The following CWC27 variants were observed in gnomAD, a reference collection of about 807,000 sequenced individuals.
CWC27 encodes the protein spliceosome-associated protein CWC27 homolog.
CWC27 carries 47 observed loss-of-function variants against 63.6 expected under a neutral mutation model. The observed-to-expected ratio is 0.74, with a 90% CI of 0.58 to 0.94. The LOEUF (loss-of-function observed/expected upper bound fraction) is 0.94, where lower values mean the gene tolerates loss of function less well. Among genes scored for constraint, CWC27 ranks in the 40% least tolerant of loss-of-function variants. CWC27 has a pLI of 0.00. For missense variants in CWC27, 495 were observed against 554.3 expected (o/e 0.89, Z 1.07); for synonymous variants, 175 against 179.8 (o/e 0.97, Z 0.22).
intron 11 of CWC27, among the ~76,000 whole-genome samples, chr5:64,927,200 T>C (rs1019876925): frequency 5.9e-5 from 9 of 152,204 alleles, no homozygotes; most frequent in Non-Finnish European, 1.3e-4. Flanking sequence ...ATCTGGCAAG[T>C]ATTCTACTAA....
At chr5:64,943,133 TATG>T (rs1314710826) in intron 11 of CWC27, among the ~76,000 whole-genome samples, 9 of 151,960 alleles carry the variant, frequency 5.9e-5, no homozygotes, top group African/African-American at 2.2e-4. Flanking sequence ...GTTTCATCAG[TATG>T]ATTATACTCC....
intron 10 of CWC27, among the ~76,000 whole-genome samples, chr5:64,871,964 T>G (rs1746685834): frequency 6.6e-6 from 1 of 152,088 alleles, no homozygotes; most frequent in Non-Finnish European, 1.5e-5. Flanking sequence ...AGAGCCTGGA[T>G]TTAGAATTTG....
At chr5:64,832,048 A>C (rs72756887) in intron 10 of CWC27, among the ~76,000 whole-genome samples, 1 of 152,034 alleles carries the variant, frequency 6.6e-6, no homozygotes, top group Non-Finnish European at 1.5e-5. Context: ...AACAAGTAGT[A>C]ATTTCTTATA....
At position 64,970,932 on chromosome 5, in the gene CWC27, CAA is replaced by C. The variant is rs1749113538; in HGVS notation, c.1043-769_1043-768del. On this transcript the variant is annotated intron_variant, in intron 11 of 13. Transcript: ENST00000381070. ...TCTGGCTTATCGTTTGTCTTCCAGC[CAA>C]AGAGAAGAGAGAGAGAGAGAGGGAG... is the stretch of plus-strand genomic sequence containing the variant. 4.1e-5 allele frequency among the ~76,000 whole-genome samples: 6 copies of C among 147,350 alleles called. No homozygotes were observed. In the South Asian group the frequency reaches 1.3e-3, roughly 32 times the overall value.
intron 13 of CWC27, among the ~76,000 whole-genome samples, chr5:64,983,848 G>A (rs1749371065): frequency 6.6e-6 from 1 of 152,054 alleles, no homozygotes; most frequent in Admixed American, 6.6e-5. Context: ...TGTTGTTGTT[G>A]TTACAGAGTT....
At chr5:64,781,404 G>A (rs910171525) in intron 2 of CWC27, among the ~76,000 whole-genome samples, 1 of 152,138 alleles carries the variant, frequency 6.6e-6, no homozygotes, top group Non-Finnish European at 1.5e-5. Flanking sequence ...TTCCTGTGAG[G>A]AAAAGAGGAA....
At position 64,912,221 on chromosome 5, in the gene CWC27, C is replaced by G. The variant is rs538157253; in HGVS notation, c.1042+26675C>G. On this transcript the variant is annotated intron_variant, in intron 11 of 13. Coordinates refer to ENST00000381070, the MANE Select transcript of CWC27 (RefSeq NM_005869.4). Reference sequence around the variant, plus strand: ...GCACTGGTAGAAGCCATGTGAAAATCCTCCCTGGGAGAAAATAATATCCTA... The same window carrying G: ...GCACTGGTAGAAGCCATGTGAAAATGCTCCCTGGGAGAAAATAATATCCTA... 1.1e-4 allele frequency among the ~76,000 whole-genome samples: 17 copies of G among 152,066 alleles called. No individual in the cohort carries two copies. In the East Asian group the frequency reaches 3.1e-3, roughly 28 times the overall value.
At chr5:65,003,990 AC>A (rs1327535554) in intron 13 of CWC27, among the ~76,000 whole-genome samples, 4 of 151,888 alleles carry the variant, frequency 2.6e-5, no homozygotes, top group Non-Finnish European at 5.9e-5. Flanking sequence ...GGTTACAGGC[AC>A]CCACCACCAC....
chr5:64,951,148 A>G (rs1180410654), intron 11 of CWC27, among the ~76,000 whole-genome samples: 1 of 151,926 alleles, frequency 6.6e-6, no homozygotes, highest in Non-Finnish European at 1.5e-5. Flanking sequence ...AGAAACTGCC[A>G]ACCTGTCTTC....
At chr5:64,989,435 T>TA (rs1002192215) in intron 13 of CWC27, among the ~76,000 whole-genome samples, 4 of 152,214 alleles carry the variant, frequency 2.6e-5, no homozygotes, top group South Asian at 2.1e-4. Flanking sequence ...TTTTTTTCTT[T>TA]AAAAAAAGAT....
intron 10 of CWC27, chr5:64,807,672 T>C (rs1419207219): frequency 1.6e-5 from 25 of 1,535,812 alleles, no homozygotes; most frequent in Non-Finnish European, 2.2e-5. Flanking sequence ...TACAAGCTGG[T>C]ATTATTATGG....
intron 10 of CWC27, among the ~76,000 whole-genome samples, chr5:64,859,868 G>A (rs1352756511): frequency 1.3e-5 from 2 of 152,096 alleles, no homozygotes; most frequent in East Asian, 3.9e-4. Flanking sequence ...CATTTCCAGA[G>A]AACATGAAAG....
At chr5:64,818,610 C>A (rs1402059985) in intron 10 of CWC27, among the ~76,000 whole-genome samples, 4 of 152,102 alleles carry the variant, frequency 2.6e-5, no homozygotes, top group Non-Finnish European at 5.9e-5. Context: ...TATTTTATAT[C>A]CTGCTGCTGT....
intron 2 of CWC27, among the ~76,000 whole-genome samples, chr5:64,780,192 G>A (rs1161720731): frequency 2.0e-5 from 3 of 151,996 alleles, no homozygotes; most frequent in African/African-American, 7.3e-5. Context: ...CTTTCACTTA[G>A]CATGTTTTTG....
At chr5:64,826,183 A>T (rs985252891) in intron 10 of CWC27, among the ~76,000 whole-genome samples, 11 of 151,938 alleles carry the variant, frequency 7.2e-5, no homozygotes, top group African/African-American at 2.7e-4. Context: ...TGGACTGACA[A>T]AATTGTGTTC....
chr5:65,004,909 T>TATATAC (rs1402275240), intron 13 of CWC27, among the ~76,000 whole-genome samples: 4 of 65,082 alleles, frequency 6.1e-5, no homozygotes, highest in African/African-American at 1.9e-4. Flanking sequence ...TATATATACA[T>TATATAC]ACACACACAC....
At chr5:64,957,553 C>T (rs1322959608) in intron 11 of CWC27, among the ~76,000 whole-genome samples, 1 of 152,112 alleles carries the variant, frequency 6.6e-6, no homozygotes, top group African/African-American at 2.4e-5. Flanking sequence ...AAAGCTGGAG[C>T]CCCCAAAAGA....
chr5:64,845,353 G>T (rs1455464301), intron 10 of CWC27, among the ~76,000 whole-genome samples: 1 of 152,076 alleles, frequency 6.6e-6, no homozygotes, highest in African/African-American at 2.4e-5. Context: ...AATCCCAAAA[G>T]AAACTAATAA....
intron 11 of CWC27, among the ~76,000 whole-genome samples, chr5:64,912,672 T>C (rs1435088940): frequency 6.6e-6 from 1 of 152,142 alleles, no homozygotes; most frequent in Admixed American, 6.5e-5. Context: ...CAGATAATCA[T>C]CATGAGTTTT....
Sources: allele counts gnomAD v4.1 joint callset (sites outside exome capture counted in the v4.1 genomes callset), GRCh38; gene constraint gnomAD v4.1.1; transcripts MANE v1.5; gene names NCBI Gene and HGNC (gene_info 2026-07-23, HGNC 2026-07-21).